JAKMIP3: variants seen among roughly 807,000 people sequenced by gnomAD.
JAKMIP3 encodes Janus kinase and microtubule interacting protein 3, also known as janus kinase and microtubule-interacting protein 3.
A neutral mutation model predicts 118.5 loss-of-function variants in JAKMIP3; 58 were observed. That is an observed-to-expected ratio of 0.49 (90% CI 0.40 to 0.61). JAKMIP3 has a LOEUF of 0.61. Among genes scored for constraint, JAKMIP3 ranks in the 20% least tolerant of loss-of-function variants. JAKMIP3 has a pLI of 0.00. For synonymous variants in JAKMIP3, 486 were observed against 451.2 expected (o/e 1.08, Z -0.98); for missense variants, 950 against 1,109.0 (o/e 0.86, Z 2.04).
At chr10:132,069,036 G>A (rs1193462026) in intron 1 of JAKMIP3, among the ~76,000 whole-genome samples, 1 of 152,144 alleles carries the variant, frequency 6.6e-6, no homozygotes, top group Non-Finnish European at 1.5e-5. Context: ...AGTTCGAGGG[G>A]AGCGCCTTTA....
At chr10:132,142,119 G>C in intron 11 of JAKMIP3, 71 bp downstream of exon 11, 1 of 1,491,166 alleles carries the variant, frequency 6.7e-7, no homozygotes, top group East Asian at 2.4e-5. Flanking sequence ...GCCTGGGCTG[G>C]GACACCCCCC....
chr10:132,147,832 T>C (rs577617995), intron 13 of JAKMIP3, 120 bp from the exon 14 acceptor site: 112 of 671,552 alleles, frequency 1.7e-4, no homozygotes, highest in Admixed American at 3.3e-4. Flanking sequence ...CAGGGCTGGG[T>C]ACCAGGCCAG....
chr10:132,167,295 G>A (rs2059007354), intron 22 of JAKMIP3, among the ~76,000 whole-genome samples: 1 of 152,222 alleles, frequency 6.6e-6, no homozygotes, highest in South Asian at 2.1e-4. Context: ...CACCTTTCCT[G>A]AACGGGAAGG....
At chr10:132,177,581 T>G (rs1399132195) in intron 23 of JAKMIP3, among the ~76,000 whole-genome samples, 5 of 145,360 alleles carry the variant, frequency 3.4e-5, no homozygotes, top group Non-Finnish European at 7.5e-5. Flanking sequence ...TCCTGTGCCC[T>G]GGGTAGGGTG....
rs752911420 is a variant in JAKMIP3 at position 132,118,750 on chromosome 10, C to T, written c.633+1176C>T. ...TGTTCCAACCTCCCCTACACCTCTT[C>T]GCCCTGTCCCAAGCCACATATCGAT... On this transcript the variant is annotated intron_variant, in intron 3 of 23. Coordinates refer to ENST00000684848, the MANE Select transcript of JAKMIP3 (RefSeq NM_001323087.2). The surrounding 1 kb of genome is among the most constrained non-coding windows in gnomAD (Gnocchi z 4.8). Among the ~76,000 whole-genome samples the T allele has an allele frequency of 2.0e-5, 3 of 152,238 alleles. No homozygotes were observed. The highest frequency in any genetic ancestry group is 4.4e-5 in the Non-Finnish European group (3 of 68,046).
intron 23 of JAKMIP3, among the ~76,000 whole-genome samples, chr10:132,171,017 G>C (rs915116696): frequency 6.6e-6 from 1 of 152,254 alleles, no homozygotes; most frequent in African/African-American, 2.4e-5. Flanking sequence ...ACCCAGGGGT[G>C]GGGAAACCTG....
chr10:132,135,070 G>A lies in JAKMIP3; in HGVS notation c.879G>A (p.Arg293=). Residue 293 remains arginine (R), a synonymous_variant, in exon 5 of 24, where the codon CGG becomes CGA. Coordinates refer to ENST00000684848, the MANE Select transcript of JAKMIP3 (RefSeq NM_001323087.2). ...PEQQLDEKDA[R]RFQLKIAELS... ...AGCAGTTGGATGAAAAAGATGCCCG[G>A]CGCTTCCAGCTTAAAATCGCGGAGT... The A allele has an allele frequency of 6.2e-7, 1 of 1,613,646 alleles. No homozygotes were observed. Among genetic ancestry groups the A allele is most frequent in the Non-Finnish European group, 8.5e-7 (1 of 1,179,608 alleles).
chr10:132,070,932 CTTTTCTT>C (rs2039740443), intron 1 of JAKMIP3, among the ~76,000 whole-genome samples: 2 of 152,182 alleles, frequency 1.3e-5, no homozygotes, highest in Non-Finnish European at 2.9e-5. Context: ...TTTGCATTTA[CTTTTCTT>C]TTTTCTATGT....
rs28539701 is a variant in JAKMIP3, at chr10:132,044,650, T to C, written c.-138+7912T>C. On this transcript the variant is annotated intron_variant, in intron 1 of 23. Coordinates refer to the JAKMIP3 transcript ENST00000657785. The surrounding 1 kb of genome is among the most constrained non-coding windows in gnomAD (Gnocchi z 5.3). ...AGCAGGACGCCACCACATGCTGCGC[T>C]CAGGATGGAGGTTTTGTTTTAAATT... Among the ~76,000 whole-genome samples the C allele has an allele frequency of 0.24, 37,108 of 151,874 alleles. 5,480 individuals are homozygous for C. Among genetic ancestry groups the C allele is most frequent in the East Asian group, 0.6 (3,094 of 5,146 alleles).
intron 1 of JAKMIP3, among the ~76,000 whole-genome samples, chr10:132,052,262 G>A (rs1425641002): frequency 6.6e-6 from 1 of 152,158 alleles, no homozygotes; most frequent in Admixed American, 6.5e-5. Flanking sequence ...CCATTGTTGT[G>A]TGGCTTCCAT....
chr10:132,083,827 T>A (rs1284403298), intron 1 of JAKMIP3, among the ~76,000 whole-genome samples: 2 of 152,200 alleles, frequency 1.3e-5, no homozygotes, highest in Non-Finnish European at 2.9e-5. Flanking sequence ...TTGTCAAAGA[T>A]CAGTTGGCTG....
intron 1 of JAKMIP3, among the ~76,000 whole-genome samples, chr10:132,101,056 C>T (rs1262597853): frequency 1.3e-5 from 2 of 152,168 alleles, no homozygotes; most frequent in Non-Finnish European, 2.9e-5. Flanking sequence ...TAGGGAGATG[C>T]CAGTGAAAGC....
Position 132,136,929 on chromosome 10 carries a change from G to GT in JAKMIP3, c.1117-88dup, listed in dbSNP as rs1027653935. Reference sequence around the variant, plus strand: ...CGGGCAGCTGAGAGTGGCAGCCCGGGTTGAGGGAGAAGACCCCCCCGCCGA... The same window carrying GT: ...CGGGCAGCTGAGAGTGGCAGCCCGGGTTTGAGGGAGAAGACCCCCCCGCCGA... On this transcript the variant is annotated intron_variant, in intron 6 of 23. Coordinates refer to ENST00000684848, the MANE Select transcript of JAKMIP3 (RefSeq NM_001323087.2). The GT allele has an allele frequency of 2.1e-6, 3 of 1,446,014 alleles. No homozygotes were observed. The African/African-American group carries it at 4.2e-5, about 20-fold the overall frequency. 89.6% of individuals were successfully genotyped at this position (1,446,014 alleles called of 1,614,324 possible).
chr10:132,081,652 G>A (rs545278367), intron 1 of JAKMIP3, among the ~76,000 whole-genome samples: 1 of 152,222 alleles, frequency 6.6e-6, no homozygotes, highest in East Asian at 1.9e-4. Context: ...GGTTGCCTCC[G>A]TTATTCTTGT....
intron 1 of JAKMIP3, among the ~76,000 whole-genome samples, chr10:132,041,706 C>T (rs189089641): frequency 2.5e-4 from 38 of 152,334 alleles, no homozygotes; most frequent in Admixed American, 2.4e-3. Context: ...ATGTGAGCTG[C>T]TAAGAGAATT....
intron 1 of JAKMIP3, among the ~76,000 whole-genome samples, chr10:132,070,016 G>A (rs1316773681): frequency 1.3e-5 from 2 of 152,162 alleles, no homozygotes; most frequent in Non-Finnish European, 2.9e-5. Context: ...GGTGGCCGGT[G>A]GCATCAGGAG....
chr10:132,169,291 G>A (rs1311581661), intron 23 of JAKMIP3, among the ~76,000 whole-genome samples: 1 of 152,110 alleles, frequency 6.6e-6, no homozygotes, highest in Non-Finnish European at 1.5e-5. Context: ...GGCAGAGCTG[G>A]TCCTCCTCCC....
At chr10:132,052,085 C>T (rs866743393) in intron 1 of JAKMIP3, among the ~76,000 whole-genome samples, 4 of 152,150 alleles carry the variant, frequency 2.6e-5, no homozygotes, top group South Asian at 2.1e-4. Flanking sequence ...ATTAGCCAGG[C>T]ATGGTGGTGC....
At chr10:132,126,751 G>GT (rs35100369) in intron 3 of JAKMIP3, among the ~76,000 whole-genome samples, 57,994 of 151,992 alleles carry the variant, frequency 0.38, 11,993 homozygotes, top group Non-Finnish European at 0.48. Context: ...ATGATCATGT[G>GT]TTTTTTTCTT....
Sources: allele counts gnomAD v4.1 joint callset (sites outside exome capture counted in the v4.1 genomes callset), GRCh38; gene constraint gnomAD v4.1.1; non-coding constraint Gnocchi (gnomAD v3.1); transcripts MANE v1.5; gene names NCBI Gene and HGNC (gene_info 2026-07-23, HGNC 2026-07-21).